GPC5: variants seen among roughly 807,000 people sequenced by gnomAD.
GPC5 encodes glypican 5.
GPC5 carries 47 observed loss-of-function variants against 53.9 expected under a neutral mutation model. That is an observed-to-expected ratio of 0.87 (90% CI 0.69 to 1.11). GPC5 has a LOEUF of 1.11. GPC5 is among the 50% of genes most tolerant of loss of function. The probability of loss-of-function intolerance (pLI) is 0.00; values close to 1 mark genes in which losing one functional copy is unlikely to be tolerated. For synonymous variants in GPC5, 286 were observed against 263.3 expected, an observed-to-expected ratio of 1.09 and a Z score of -0.84; for missense variants, 748 against 713.1, an observed-to-expected ratio of 1.05 and a Z score of -0.56.
In GPC5 at chr13:91,448,812, A is replaced by G; in HGVS notation, c.215A>G (p.Lys72Arg). ...ISKKPTCCTR[K>R]MEERYQIAAR... is the part of the protein sequence containing the mutation. ...AAAAAGCCTACATGTTGCACCAGGA[A>G]GATGGAGGAGAGATATCAGATTGCG... is the stretch of plus-strand genomic sequence containing the variant. The change falls in exon 2 of 8, where the codon AAG (lysine) becomes AGG (arginine). Residue 72 changes from lysine (K) to arginine (R), a missense_variant. By Grantham distance (26) the Lys-to-Arg change is conservative. Coordinates refer to ENST00000377067, the MANE Select transcript of GPC5 (RefSeq NM_004466.6). 1 of 1,613,796 alleles carries G rather than the reference A, an allele frequency of 6.2e-7. No individual in the cohort carries two copies. Among genetic ancestry groups the G allele is most frequent in the Non-Finnish European group, 8.5e-7 (1 of 1,179,790 alleles).
At chr13:92,151,879 T>A (rs2041909882) in intron 7 of GPC5, among the ~76,000 whole-genome samples, 1 of 152,130 alleles carries the variant, frequency 6.6e-6, no homozygotes, top group Admixed American at 6.5e-5. Flanking sequence ...AAAAAATACT[T>A]CATAGAGGAG....
At chr13:91,553,315 T>C (rs1365193496) in intron 2 of GPC5, among the ~76,000 whole-genome samples, 1 of 152,092 alleles carries the variant, frequency 6.6e-6, no homozygotes, top group Admixed American at 6.6e-5. Flanking sequence ...CGGTTTATGC[T>C]TGGATTTTTT....
At chr13:91,913,519 T>A (rs940723335) in intron 6 of GPC5, among the ~76,000 whole-genome samples, 8 of 152,066 alleles carry the variant, frequency 5.3e-5, no homozygotes, top group African/African-American at 1.9e-4. Flanking sequence ...TCTGCACACA[T>A]TCCCTCTTCT....
chr13:92,327,450 T>C (rs2043259811), intron 7 of GPC5, among the ~76,000 whole-genome samples: 1 of 152,154 alleles, frequency 6.6e-6, no homozygotes, highest in South Asian at 2.1e-4. Flanking sequence ...TTTTGAAAGG[T>C]AAGATTTACC....
At chr13:92,418,300 TATATG>T (rs1876405126) in intron 7 of GPC5, among the ~76,000 whole-genome samples, 2 of 152,202 alleles carry the variant, frequency 1.3e-5, no homozygotes, top group South Asian at 4.1e-4. Flanking sequence ...TTGTGAGAAT[TATATG>T]GTATATGAAT....
chr13:92,576,202 T>C (rs1015447128), intron 7 of GPC5, among the ~76,000 whole-genome samples: 2 of 152,206 alleles, frequency 1.3e-5, no homozygotes, highest in Non-Finnish European at 2.9e-5. Flanking sequence ...TTCAGAGACA[T>C]AAATGTGTTT....
At chr13:91,960,031 AC>A (rs2040112467) in intron 6 of GPC5, among the ~76,000 whole-genome samples, 1 of 146,284 alleles carries the variant, frequency 6.8e-6, no homozygotes, top group Admixed American at 6.7e-5. Context: ...ACTGGACAAG[AC>A]TTTTAACACT....
At chr13:92,499,761 G>T (rs1437873359) in intron 7 of GPC5, among the ~76,000 whole-genome samples, 1 of 152,136 alleles carries the variant, frequency 6.6e-6, no homozygotes, top group Non-Finnish European at 1.5e-5. Context: ...AAATATTCTA[G>T]TTTGGCTAAG....
chr13:92,535,651 T>G (rs912781685), intron 7 of GPC5, among the ~76,000 whole-genome samples: 1 of 140,940 alleles, frequency 7.1e-6, no homozygotes, highest in Non-Finnish European at 1.5e-5. Context: ...ACTAGAATAG[T>G]CCATTTCTAT....
intron 6 of GPC5, among the ~76,000 whole-genome samples, chr13:92,118,369 C>A (rs561876367): frequency 2.5e-4 from 38 of 151,998 alleles, no homozygotes; most frequent in African/African-American, 9.2e-4. Context: ...TATATATGTT[C>A]TTAAAGGGAT....
At chr13:92,430,257 G>A (rs180849340) in intron 7 of GPC5, among the ~76,000 whole-genome samples, 1 of 152,156 alleles carries the variant, frequency 6.6e-6, no homozygotes, top group African/African-American at 2.4e-5. Flanking sequence ...AAAACACTAA[G>A]AAATGTATAT....
chr13:92,256,963 C>A (rs779333839), intron 7 of GPC5, among the ~76,000 whole-genome samples: 3 of 152,020 alleles, frequency 2.0e-5, no homozygotes, highest in Non-Finnish European at 2.9e-5. Flanking sequence ...CTCCCGATTT[C>A]TCTCTCTTCC....
chr13:92,572,028 C>G (rs1185467854), intron 7 of GPC5, among the ~76,000 whole-genome samples: 1 of 151,850 alleles, frequency 6.6e-6, no homozygotes, highest in Non-Finnish European at 1.5e-5. Flanking sequence ...GAATGAGCCC[C>G]TGTCTGGAAA....
intron 7 of GPC5, among the ~76,000 whole-genome samples, chr13:92,826,465 C>G (rs1330597012): frequency 1.3e-5 from 2 of 152,100 alleles, no homozygotes; most frequent in African/African-American, 4.8e-5. Context: ...TTGTGAGAAA[C>G]TAAGAAGAGG....
chr13:92,303,315 A>G (rs1887157), intron 7 of GPC5, among the ~76,000 whole-genome samples: 54,245 of 151,952 alleles, frequency 0.36, 11,062 homozygotes, highest in African/African-American at 0.56. Context: ...TGTTAGAGAA[A>G]TTAAGTTTAC....
chr13:91,555,937 A>C (rs936159256), intron 2 of GPC5, among the ~76,000 whole-genome samples: 3 of 152,024 alleles, frequency 2.0e-5, no homozygotes, highest in African/African-American at 7.2e-5. Flanking sequence ...CATGGGAATC[A>C]TGGGAGCTAC....
intron 7 of GPC5, among the ~76,000 whole-genome samples, chr13:92,352,262 T>C (rs1163855781): frequency 1.3e-5 from 2 of 152,036 alleles, no homozygotes; most frequent in Non-Finnish European, 2.9e-5. Flanking sequence ...AAAAAATTAA[T>C]CATTTATGTA....
At chr13:91,548,079 C>A (rs1247975721) in intron 2 of GPC5, among the ~76,000 whole-genome samples, 1 of 152,118 alleles carries the variant, frequency 6.6e-6, no homozygotes, top group Non-Finnish European at 1.5e-5. Context: ...TTCTCTCTCA[C>A]CTCTCCTTTT....
At chr13:92,561,922 T>C (rs955527118) in intron 7 of GPC5, among the ~76,000 whole-genome samples, 3 of 152,026 alleles carry the variant, frequency 2.0e-5, no homozygotes, top group Non-Finnish European at 4.4e-5. Context: ...AAATTGACTG[T>C]TGTGACCGAA....
Sources: gnomAD v4.1 joint callset for allele counts (sites outside exome capture counted in the v4.1 genomes callset) on GRCh38, gnomAD v4.1.1 for gene constraint, MANE v1.5 for transcripts, NCBI Gene and HGNC (gene_info 2026-07-23, HGNC 2026-07-21) for gene names.